Variants in PKIG observed in about 807,000 individuals in gnomAD.
PKIG encodes the protein cAMP-dependent protein kinase inhibitor gamma.
In PKIG, 1 loss-of-function variant was observed where a neutral mutation model predicts 6.8. That is an observed-to-expected ratio of 0.15 (90% CI 0.05 to 0.69). The LOEUF (loss-of-function observed/expected upper bound fraction) is 0.69. Among genes scored for constraint, PKIG ranks in the 30% least tolerant of loss-of-function variants. The probability of loss-of-function intolerance (pLI) is 0.82; values close to 1 mark genes in which losing one functional copy is unlikely to be tolerated. For synonymous variants in PKIG, 39 were observed against 43.0 expected (o/e 0.91, Z 0.36); for missense variants, 77 against 104.0 (o/e 0.74, Z 1.13).
intron 1 of PKIG, among the ~76,000 whole-genome samples, chr20:44,560,166 T>A (rs969294865): frequency 6.6e-6 from 1 of 151,592 alleles, no homozygotes; most frequent in East Asian, 1.9e-4. Context: ...GGGAGGATGG[T>A]TTGAGCTGGG....
intron 1 of PKIG, among the ~76,000 whole-genome samples, chr20:44,576,459 G>C (rs1224048632): frequency 1.3e-5 from 2 of 152,122 alleles, no homozygotes; most frequent in East Asian, 3.8e-4. Flanking sequence ...TATTTAATCT[G>C]AAATCTGATG....
intron 1 of PKIG, among the ~76,000 whole-genome samples, chr20:44,555,076 T>C (rs1049869492): frequency 6.6e-6 from 1 of 152,228 alleles, no homozygotes; most frequent in Admixed American, 6.5e-5. Context: ...CCAGAAATCA[T>C]TTAACATGTT....
At chr20:44,559,442 G>A (rs1001136064) in intron 1 of PKIG, among the ~76,000 whole-genome samples, 11 of 152,216 alleles carry the variant, frequency 7.2e-5, no homozygotes, top group Admixed American at 7.2e-4. Flanking sequence ...CAGAAGGGGT[G>A]TCAGACAAGG....
At chr20:44,577,356 A>T (rs1417896486) in intron 1 of PKIG, among the ~76,000 whole-genome samples, 1 of 151,574 alleles carries the variant, frequency 6.6e-6, no homozygotes. Flanking sequence ...CTGGTCTCGA[A>T]CTCCTGACCT....
chr20:44,538,921 C>CA (rs1555833241), intron 1 of PKIG, among the ~76,000 whole-genome samples: 1 of 146,838 alleles, frequency 6.8e-6, no homozygotes, highest in African/African-American at 2.5e-5. Context: ...GTGTACCTAG[C>CA]TTTTTTTTTT....
chr20:44,580,289 G>A (rs2064936436), upstream of PKIG, among the ~76,000 whole-genome samples: 1 of 152,088 alleles, frequency 6.6e-6, no homozygotes, highest in African/African-American at 2.4e-5. Context: ...TCTGAGCTGT[G>A]AACGGCTGCT....
At chr20:44,616,770 G>A (rs2123488718) in intron 3 of PKIG, among the ~76,000 whole-genome samples, 1 of 152,338 alleles carries the variant, frequency 6.6e-6, no homozygotes, top group Non-Finnish European at 1.5e-5. Flanking sequence ...TTCACAGGCG[G>A]GGCTGCGGGC....
intron 2 of PKIG, among the ~76,000 whole-genome samples, chr20:44,612,692 A>AT (rs1179066874): frequency 2.0e-5 from 3 of 152,160 alleles, no homozygotes; most frequent in African/African-American, 7.2e-5. Context: ...CTTTCTGCCA[A>AT]TTTTTTGTCA....
At chr20:44,586,403 A>G (rs911750550) in intron 1 of PKIG, among the ~76,000 whole-genome samples, 1 of 152,218 alleles carries the variant, frequency 6.6e-6, no homozygotes, top group African/African-American at 2.4e-5. Flanking sequence ...AACCCCTGTG[A>G]TGAACCCTGG....
upstream of PKIG, among the ~76,000 whole-genome samples, chr20:44,581,363 A>T (rs1320720397): frequency 6.6e-6 from 1 of 152,176 alleles, no homozygotes; most frequent in Non-Finnish European, 1.5e-5. Context: ...TTTAATTCTC[A>T]CAATCCTAAA....
chr20:44,586,149 A>G (rs192823558), intron 1 of PKIG, among the ~76,000 whole-genome samples: 1 of 152,276 alleles, frequency 6.6e-6, no homozygotes, highest in Non-Finnish European at 1.5e-5. Context: ...CACTTTATAG[A>G]ACCTACTTCT....
chr20:44,592,484 G>C (rs1476325552), intron 2 of PKIG, among the ~76,000 whole-genome samples: 1 of 152,154 alleles, frequency 6.6e-6, no homozygotes, highest in Non-Finnish European at 1.5e-5. Flanking sequence ...TTTTCCCCAG[G>C]TGCATTAAAC....
intron 2 of PKIG, among the ~76,000 whole-genome samples, chr20:44,592,555 A>T (rs891351513): frequency 1.3e-5 from 2 of 152,146 alleles, no homozygotes; most frequent in Non-Finnish European, 2.9e-5. Flanking sequence ...GTGCCTGCTC[A>T]TCTCCCAGGC....
chr20:44,557,664 A>T, intron 1 of PKIG, among the ~76,000 whole-genome samples: 1 of 151,358 alleles, frequency 6.6e-6, no homozygotes. Flanking sequence ...ACTAAAAAAA[A>T]AAAAAAAAAA....
intron 1 of PKIG, among the ~76,000 whole-genome samples, chr20:44,546,674 C>T (rs1278075555): frequency 6.6e-6 from 1 of 151,492 alleles, no homozygotes; most frequent in Non-Finnish European, 1.5e-5. Context: ...TGCCTCAGCC[C>T]CCCGGGTAGC....
Position 44,618,745 on chromosome 20 carries a change from C to G in PKIG, c.*381C>G, listed in dbSNP as rs1438999478. On this transcript the variant is annotated 3_prime_UTR_variant, in exon 4 of 4. Coordinates refer to ENST00000372886, the MANE Select transcript of PKIG (RefSeq NM_001281445.2). The stretch of plus-strand genomic sequence containing the variant: ...CCCAACACCAACACCTCCTCTCCAG[C>G]CCAATCTTCTGGGTCCAGACCTGCT... 1 of 186,018 alleles carries G rather than the reference C, an allele frequency of 5.4e-6. No individual in the cohort carries two copies. The highest frequency in any genetic ancestry group is 1.1e-5 in the Non-Finnish European group (1 of 88,100). 11.5% of individuals were successfully genotyped at this position (186,018 alleles called of 1,614,324 possible).
At chr20:44,549,098 T>G (rs1266026214) in intron 1 of PKIG, among the ~76,000 whole-genome samples, 1 of 152,240 alleles carries the variant, frequency 6.6e-6, no homozygotes, top group Non-Finnish European at 1.5e-5. Context: ...TTAAAACTTT[T>G]AAAACTACCA....
chr20:44,548,805 C>G (rs766844090), intron 1 of PKIG, among the ~76,000 whole-genome samples: 8 of 149,638 alleles, frequency 5.3e-5, no homozygotes, highest in Non-Finnish European at 1.2e-4. Flanking sequence ...CTCCTTAGTA[C>G]TATAAAGAAT....
rs532181871 is a variant in PKIG at position 44,614,161 on chromosome 20, G to A, written c.-23-373G>A. Reference sequence around the variant, plus strand: ...AGCACCAAGGCCATGACTTAGGTACGAGGTGACTTTATGCCACCTGTAGTA... The same window carrying A: ...AGCACCAAGGCCATGACTTAGGTACAAGGTGACTTTATGCCACCTGTAGTA... On this transcript the variant is annotated intron_variant, in intron 2 of 3. Transcript: ENST00000372886. This position sits in a 1 kb window ranked among gnomAD's most constrained non-coding sequence, Gnocchi z 4.6. 2.1e-5 allele frequency: 4 copies of A among 190,028 alleles called. No homozygotes were observed. Among genetic ancestry groups the A allele is most frequent in the South Asian group, 1.0e-4 (1 of 9,850 alleles). 11.8% of individuals were successfully genotyped at this position (190,028 alleles called of 1,614,324 possible). A position where few individuals can be genotyped will look rare whatever the true frequency, so the allele number is the denominator to read the frequency against.
Sources: allele counts gnomAD v4.1 joint callset (sites outside exome capture counted in the v4.1 genomes callset), GRCh38; gene constraint gnomAD v4.1.1; non-coding constraint Gnocchi (gnomAD v3.1); transcripts MANE v1.5; gene names NCBI Gene and HGNC (gene_info 2026-07-23, HGNC 2026-07-21).